The following RBFOX1 variants were observed in gnomAD, a reference collection of about 807,000 sequenced individuals.
RBFOX1 encodes the protein RNA binding fox-1 homolog 1, also known as RNA binding protein fox-1 homolog 1.
RBFOX1 carries 8 observed loss-of-function variants against 57.7 expected under a neutral mutation model. That is an observed-to-expected ratio of 0.14 (90% CI 0.08 to 0.25). The LOEUF (loss-of-function observed/expected upper bound fraction) is 0.25. Ranked by LOEUF, RBFOX1 falls within the 10% of genes least tolerant of loss-of-function variation. RBFOX1 has a pLI of 1.00. For missense variants in RBFOX1, 611 were observed against 548.5 expected, an observed-to-expected ratio of 1.11 and a Z score of -1.14; for synonymous variants, 326 against 222.4, an observed-to-expected ratio of 1.47 and a Z score of -4.15.
rs2087346201 is a variant in RBFOX1, at chr16:7,198,353, A to C, written c.27+146255A>C. Among the ~76,000 whole-genome samples the C allele has an allele frequency of 2.6e-5, 4 of 152,284 alleles. No homozygotes were observed. In the South Asian group the frequency reaches 8.3e-4, roughly 32 times the overall value. ...GGGGTGATGAAAATGTTTTGAAACT[A>C]GACAGAGGGTGGTAGTTGTGCAACA... On this transcript the variant is annotated intron_variant, in intron 4 of 15. Coordinates refer to ENST00000550418, the MANE Select transcript of RBFOX1 (RefSeq NM_018723.4).
intron 1 of RBFOX1, among the ~76,000 whole-genome samples, chr16:6,036,524 T>A (rs773615866): frequency 3.9e-5 from 6 of 152,214 alleles, no homozygotes; most frequent in Admixed American, 1.3e-4. Flanking sequence ...AGATAGTTTT[T>A]AAGTCATCTC....
intron 3 of RBFOX1, among the ~76,000 whole-genome samples, chr16:6,878,258 C>A (rs945273878): frequency 6.6e-6 from 1 of 152,142 alleles, no homozygotes; most frequent in South Asian, 2.1e-4. Flanking sequence ...GCTTGAAGTT[C>A]TTGTGATTTG....
At chr16:6,732,303 C>G (rs778261602) in intron 3 of RBFOX1, among the ~76,000 whole-genome samples, 2 of 152,172 alleles carry the variant, frequency 1.3e-5, no homozygotes, top group African/African-American at 2.4e-5. Flanking sequence ...CAGAATTCAC[C>G]GTCTCGGCCC....
intron 4 of RBFOX1, among the ~76,000 whole-genome samples, chr16:7,176,831 G>A (rs187080517): frequency 1.3e-5 from 2 of 152,090 alleles, no homozygotes; most frequent in Non-Finnish European, 2.9e-5. Flanking sequence ...GGTAATAAAT[G>A]TAAAGAAAAA....
intron 14 of RBFOX1, among the ~76,000 whole-genome samples, chr16:7,696,272 C>T (rs1598332307): frequency 6.6e-6 from 1 of 152,160 alleles, no homozygotes; most frequent in Admixed American, 6.5e-5. Flanking sequence ...TGGGACTAGG[C>T]TTTTATAACA....
chr16:6,372,047 T>C (rs9929413), intron 2 of RBFOX1, among the ~76,000 whole-genome samples: 6,113 of 152,300 alleles, frequency 0.04, 399 homozygotes, highest in African/African-American at 0.14. Flanking sequence ...GATGGTTGAA[T>C]GAAAGGATGG....
intron 3 of RBFOX1, among the ~76,000 whole-genome samples, chr16:6,671,212 T>C (rs1454893207): frequency 1.3e-5 from 2 of 152,176 alleles, no homozygotes; most frequent in African/African-American, 2.4e-5. Context: ...TGTCAAAATA[T>C]TGGCAACAAC....
chr16:7,588,089 G>C (rs569647180), intron 7 of RBFOX1, among the ~76,000 whole-genome samples: 5 of 152,330 alleles, frequency 3.3e-5, no homozygotes, highest in African/African-American at 1.2e-4. Flanking sequence ...TGAGGCAGGA[G>C]AATCGCTTGC....
chr16:7,076,297 G>T (rs1343834117), intron 4 of RBFOX1, among the ~76,000 whole-genome samples: 10 of 151,912 alleles, frequency 6.6e-5, no homozygotes, highest in Non-Finnish European at 1.5e-4. Flanking sequence ...CTCTCAAAGT[G>T]CTGGGATTTC....
rs181562344 is a variant in RBFOX1 at position 6,990,953 on chromosome 16, T to C, written c.-15-61104T>C. 6.6e-5 allele frequency among the ~76,000 whole-genome samples: 10 copies of C among 152,212 alleles called. 1 individual carries two copies. In the East Asian group the frequency reaches 1.9e-3, roughly 29 times the overall value. On this transcript the variant is annotated intron_variant, in intron 3 of 15. Transcript: ENST00000550418. ...CCAATGAGAACCACCACATTGTTCA[T>C]TGATTGCATATTTTAAAGCTCTGTG...
At chr16:6,833,307 A>G (rs146153746) in intron 3 of RBFOX1, among the ~76,000 whole-genome samples, 28 of 152,074 alleles carry the variant, frequency 1.8e-4, no homozygotes, top group African/African-American at 6.7e-4. Flanking sequence ...CTGCGACTAT[A>G]GGCTCCCAAC....
chr16:6,167,563 C>T (rs2096927090), intron 1 of RBFOX1, among the ~76,000 whole-genome samples: 1 of 152,208 alleles, frequency 6.6e-6, no homozygotes, highest in Non-Finnish European at 1.5e-5. Flanking sequence ...TTATCTAACA[C>T]AGTCAGTACT....
rs146420060 is a variant in RBFOX1 at position 5,740,330 on chromosome 16, C to T, written c.319-126973C>T. On this transcript the variant is annotated intron_variant, in intron 3 of 19. Coordinates refer to the RBFOX1 transcript ENST00000641259. ...GCCTGAGACTCCAAGGGGGCTCCAC[C>T]AAACAGGGTGCAGCACAGTCCCCCA... Among the ~76,000 whole-genome samples the T allele has an allele frequency of 4.4e-3, 665 of 152,302 alleles. 6 individuals carry two copies. Among genetic ancestry groups the T allele is most frequent in the African/African-American group, 0.015 (626 of 41,572 alleles).
In RBFOX1 at chr16:5,749,013, T is replaced by C. The variant is rs2053091324; in HGVS notation, c.319-118290T>C. 2.0e-5 allele frequency among the ~76,000 whole-genome samples: 3 copies of C among 152,320 alleles called. No individual in the cohort carries two copies. In the South Asian group the frequency reaches 6.2e-4, roughly 32 times the overall value. On this transcript the variant is annotated intron_variant, in intron 3 of 19. Coordinates refer to the RBFOX1 transcript ENST00000641259. ...TGTTTTTGCAGTGGCTGGTATCGGT[T>C]GTTCTTTTCCATGTTGAGTGCTTCC...
chr16:7,456,951 C>T (rs181766044), intron 4 of RBFOX1, among the ~76,000 whole-genome samples: 19 of 151,922 alleles, frequency 1.3e-4, no homozygotes, highest in Admixed American at 7.2e-4. Flanking sequence ...AGTGCAATGG[C>T]GCGATCCCGG....
rs78234557 is a variant in RBFOX1, at chr16:7,001,412, G to C, written c.-15-50645G>C. On this transcript the variant is annotated intron_variant, in intron 3 of 15. Transcript: ENST00000550418. ...TGTATGTGTATTTGTATATGTATAT[G>C]TATATGTATATGTATATGTATATGT... 9.6e-3 allele frequency among the ~76,000 whole-genome samples: 1,311 copies of C among 136,828 alleles called. 14 individuals are homozygous for C. Among genetic ancestry groups the C allele is most frequent in the Non-Finnish European group, 0.014 (877 of 63,986 alleles). The allele number at this position is 136,828 out of a possible 152,430, so 89.8% of individuals were successfully genotyped here. A position where few individuals can be genotyped will look rare whatever the true frequency, so the allele number is the denominator to read the frequency against.
chr16:7,463,711 C>G (rs1268534947), intron 4 of RBFOX1, among the ~76,000 whole-genome samples: 2 of 152,146 alleles, frequency 1.3e-5, no homozygotes, highest in Admixed American at 1.3e-4. Flanking sequence ...GAGATTAGGG[C>G]ATGGGAATAT....
At chr16:7,068,318 T>G (rs1489866643) in intron 4 of RBFOX1, among the ~76,000 whole-genome samples, 6 of 152,208 alleles carry the variant, frequency 3.9e-5, no homozygotes, top group Non-Finnish European at 8.8e-5. Flanking sequence ...ATTCAAACAC[T>G]GCAGACATTT....
intron 1 of RBFOX1, among the ~76,000 whole-genome samples, chr16:5,464,312 A>G (rs1298605946): frequency 6.6e-6 from 1 of 152,230 alleles, no homozygotes; most frequent in Non-Finnish European, 1.5e-5. Flanking sequence ...TCCAGATGCC[A>G]TGGTGAATGA....
Sources: allele counts gnomAD v4.1 joint callset (sites outside exome capture counted in the v4.1 genomes callset), GRCh38; gene constraint gnomAD v4.1.1; transcripts MANE v1.5; gene names NCBI Gene and HGNC (gene_info 2026-07-23, HGNC 2026-07-21).